Variants in EYA4 observed in about 807,000 individuals in gnomAD.
EYA4 encodes protein phosphatase EYA4.
Under a neutral mutation model 87.9 loss-of-function variants are expected in EYA4, and 31 were observed. The observed-to-expected ratio is 0.35, with a 90% confidence interval of 0.27 to 0.48. The LOEUF (loss-of-function observed/expected upper bound fraction) is 0.48, where lower values mean the gene tolerates loss of function less well. EYA4 is among the 20% of genes least tolerant of loss of function. The pLI is 0.99. For missense variants in EYA4, 678 were observed against 761.4 expected (o/e 0.89, Z 1.29); for synonymous variants, 263 against 270.6 (o/e 0.97, Z 0.28).
chr6:133,280,491 G>T (rs1777533470), intron 2 of EYA4, among the ~76,000 whole-genome samples: 1 of 152,004 alleles, frequency 6.6e-6, no homozygotes, highest in South Asian at 2.1e-4. Context: ...CCGACTCCCG[G>T]GTTCAAGTGA....
At chr6:133,455,473 G>A (rs765200471) in intron 5 of EYA4, among the ~76,000 whole-genome samples, 5 of 152,222 alleles carry the variant, frequency 3.3e-5, no homozygotes, top group Admixed American at 6.5e-5. Context: ...GGTTAATTCT[G>A]TTCATGTGGA....
intron 2 of EYA4, among the ~76,000 whole-genome samples, chr6:133,333,636 A>G (rs146202941): frequency 7.0e-4 from 106 of 152,306 alleles, no homozygotes; most frequent in African/African-American, 2.5e-3. Flanking sequence ...TACTGTGAAA[A>G]CTGAGACAAC....
At chr6:133,337,909 G>C (rs150575557) in intron 2 of EYA4, among the ~76,000 whole-genome samples, 1 of 152,110 alleles carries the variant, frequency 6.6e-6, no homozygotes, top group African/African-American at 2.4e-5. Flanking sequence ...GGAGAATTTC[G>C]CAGATTGGGG....
At chr6:133,274,980 C>T (rs1277691829) in intron 2 of EYA4, among the ~76,000 whole-genome samples, 167 bp downstream of exon 2, 1 of 151,952 alleles carries the variant, frequency 6.6e-6, no homozygotes. Context: ...AGATTTATGC[C>T]GTTTCTGCTT....
chr6:133,263,705 T>G (rs1775981621), intron 1 of EYA4, among the ~76,000 whole-genome samples: 1 of 152,366 alleles, frequency 6.6e-6, no homozygotes, highest in African/African-American at 2.4e-5. Flanking sequence ...GATACGCTTC[T>G]GAAAATTTAC....
intron 3 of EYA4, among the ~76,000 whole-genome samples, chr6:133,423,172 G>C (rs1790369576): frequency 6.6e-6 from 1 of 152,070 alleles, no homozygotes; most frequent in Admixed American, 6.5e-5. Context: ...GTAAGGAAAG[G>C]GGAAGGAGAG....
intron 1 of EYA4, chr6:133,246,995 GGT>G (rs1774461012): frequency 6.6e-6 from 1 of 152,046 alleles, no homozygotes; most frequent in Non-Finnish European, 1.5e-5. Flanking sequence ...ACCATTTTTA[GGT>G]GGTACCTGAA....
intron 12 of EYA4, 135 bp from the exon 13 acceptor site, chr6:133,482,897 C>CA (rs1364551600): frequency 1.1e-5 from 8 of 758,580 alleles, no homozygotes; most frequent in Admixed American, 5.2e-5. Flanking sequence ...ATTTGAAAAA[C>CA]AAAAAAATGA....
intron 2 of EYA4, among the ~76,000 whole-genome samples, chr6:133,378,902 T>A (rs1785930433): frequency 6.6e-6 from 1 of 151,080 alleles, no homozygotes; most frequent in African/African-American, 2.4e-5. Context: ...TGCATTCATT[T>A]ACGCTATTCA....
intron 3 of EYA4, among the ~76,000 whole-genome samples, chr6:133,396,133 T>G (rs183439539): frequency 1.1e-3 from 161 of 152,328 alleles, no homozygotes; most frequent in African/African-American, 3.6e-3. Flanking sequence ...GAAAGATGAC[T>G]TGGGAAATAA....
chr6:133,493,085 G>GA (rs1396545632), intron 13 of EYA4, among the ~76,000 whole-genome samples: 4 of 151,834 alleles, frequency 2.6e-5, no homozygotes, highest in African/African-American at 9.7e-5. Context: ...ATTCTTCACA[G>GA]AAAAAAACAA....
intron 13 of EYA4, among the ~76,000 whole-genome samples, chr6:133,497,634 T>G (rs1360731636): frequency 6.6e-6 from 1 of 152,198 alleles, no homozygotes; most frequent in Non-Finnish European, 1.5e-5. Flanking sequence ...CCAGGAATCA[T>G]CCATCACGTT....
chr6:133,392,009 C>G (rs186082392), intron 3 of EYA4, among the ~76,000 whole-genome samples: 2 of 152,292 alleles, frequency 1.3e-5, no homozygotes, highest in East Asian at 3.9e-4. Flanking sequence ...AGCTTGATTT[C>G]ATAGGTCAGG....
intron 2 of EYA4, among the ~76,000 whole-genome samples, chr6:133,356,806 A>G (rs1206886953): frequency 3.6e-5 from 5 of 139,624 alleles, no homozygotes; most frequent in Admixed American, 3.6e-4. Context: ...TATATATTTT[A>G]TTTTTATTTT....
At chr6:133,485,263 G>A (rs1796590758) in intron 13 of EYA4, among the ~76,000 whole-genome samples, 1 of 152,090 alleles carries the variant, frequency 6.6e-6, no homozygotes, top group African/African-American at 2.4e-5. Flanking sequence ...ATTCAAAATA[G>A]AGACTCTCTA....
At chr6:133,370,677 C>G (rs572004213) in intron 2 of EYA4, among the ~76,000 whole-genome samples, 4 of 152,296 alleles carry the variant, frequency 2.6e-5, no homozygotes, top group Non-Finnish European at 4.4e-5. Context: ...ATAGTACATG[C>G]TACTGCAGGA....
intron 2 of EYA4, among the ~76,000 whole-genome samples, chr6:133,345,050 G>T (rs1783088742): frequency 6.6e-6 from 1 of 152,076 alleles, no homozygotes; most frequent in Admixed American, 6.6e-5. Context: ...TACTCCTTGA[G>T]ATGTCTGTAA....
At chr6:133,387,528 C>T (rs1481449352) in intron 3 of EYA4, among the ~76,000 whole-genome samples, 1 of 152,186 alleles carries the variant, frequency 6.6e-6, no homozygotes, top group East Asian at 1.9e-4. Flanking sequence ...GTACAGACCA[C>T]AGAATTGGGT....
chr6:133,410,633 T>TTTTTTTTTTTTTTTTGAG (rs1554252061), intron 3 of EYA4, among the ~76,000 whole-genome samples: 1 of 148,722 alleles, frequency 6.7e-6, no homozygotes. Context: ...ACTAAGGTCT[T>TTTTTTTTTTTTTTTTGAG]AATTCCTTCT....
Sources: gnomAD v4.1 joint callset for allele counts (sites outside exome capture counted in the v4.1 genomes callset) on GRCh38, gnomAD v4.1.1 for gene constraint, MANE v1.5 for transcripts, NCBI Gene and HGNC (gene_info 2026-07-23, HGNC 2026-07-21) for gene names.